Variants in KRT84 observed in about 807,000 individuals in gnomAD.
KRT84 encodes keratin, type II cuticular Hb4.
Under a neutral mutation model 49.0 loss-of-function variants are expected in KRT84, and 38 were observed. That is an observed-to-expected ratio of 0.78 (90% CI 0.60 to 1.02). KRT84 has a LOEUF of 1.02. Among genes scored for constraint, KRT84 ranks in the 50% least tolerant of loss-of-function variants. The pLI is 0.00. For synonymous variants in KRT84, 334 were observed against 312.8 expected (o/e 1.07, Z -0.72); for missense variants, 860 against 788.6 (o/e 1.09, Z -1.08).
chr12:52,380,658 C>T, intron 6 of KRT84, 75 bp from the exon 7 acceptor site: 3 of 1,418,978 alleles, frequency 2.1e-6, no homozygotes, highest in Non-Finnish European at 2.8e-6. Flanking sequence ...AACACGGCCC[C>T]TCTTAGTGGG....
Position 52,382,505 on chromosome 12 carries a change from AC to A in KRT84, c.843del (p.Lys281AsnfsTer11). Reference sequence around the variant, plus strand: ...GTATCCACGTTGGCCTCGAGATCAGACTTGTTCATGAAAGCTGCATCCACAT... The same window carrying A: ...GTATCCACGTTGGCCTCGAGATCAGATTGTTCATGAAAGCTGCATCCACAT... ...KKDVDAAFMN[K>X]SDLEANVDTL... On this transcript the variant is annotated frameshift_variant, in exon 4 of 9. Transcript: ENST00000257951. LOFTEE classifies it high-confidence loss of function. 1 of 1,614,050 alleles carries A rather than the reference AC, an allele frequency of 6.2e-7. No individual in the cohort carries two copies. Among genetic ancestry groups the A allele is most frequent in the Middle Eastern group, 1.6e-4 (1 of 6,062 alleles).
upstream of KRT84, among the ~76,000 whole-genome samples, chr12:52,386,775 T>C (rs1939578796): frequency 6.6e-6 from 1 of 152,190 alleles, no homozygotes; most frequent in Non-Finnish European, 1.5e-5. Context: ...ATTATCATTG[T>C]TAGCAATATT....
intron 1 of KRT84, 104 bp downstream of exon 1, chr12:52,384,936 G>A (rs1051216395): frequency 2.5e-6 from 3 of 1,224,332 alleles, no homozygotes; most frequent in African/African-American, 3.0e-5. Flanking sequence ...CTGAGGTCAA[G>A]GTCAAGTCCC....
chr12:52,386,935 A>G (rs1939580834), upstream of KRT84, among the ~76,000 whole-genome samples: 1 of 152,180 alleles, frequency 6.6e-6, no homozygotes, highest in Non-Finnish European at 1.5e-5. Flanking sequence ...GCTTTTGACC[A>G]GAAGCATCCA....
Position 52,383,685 on chromosome 12 carries a change from G to C in KRT84, c.660C>G (p.Asn220Lys). The C allele has an allele frequency of 6.2e-7, 1 of 1,614,200 alleles. No homozygotes were observed. The highest frequency in any genetic ancestry group is 8.5e-7 in the Non-Finnish European group (1 of 1,180,024). Reference protein sequence around the residue: ...LEPLFESYITNLRRQLEVLVS... With the variant: ...LEPLFESYITKLRRQLEVLVS... ...CCAGCACCTCCAACTGCCTCCGCAG[G>C]TTGGTGATGTAGCTCTCGAAGAGTG... Residue 220 changes from asparagine to lysine, a missense_variant, in exon 2 of 9, where the codon AAC becomes AAG. Physicochemically the swap from Asn to Lys is moderately conservative, Grantham distance 94. Transcript: ENST00000257951.
chr12:52,378,053 G>T lies in KRT84; in HGVS notation c.1784C>A (p.Ser595Tyr). The change falls in exon 9 of 9, where the codon TCC (serine) becomes TAC (tyrosine). Residue 595 changes from serine (S) to tyrosine (Y), a missense_variant. Ser to Tyr is a moderately radical substitution (Grantham distance 144). Transcript: ENST00000257951. ...GGGCTCTCAGTACTTGGTCCGGCAG[G>T]AGGTGGTGGTGGACACAAAGCGGAC... ...SSVRFVSTTT[S>Y]CRTKY 1 of 1,477,800 alleles carries T rather than the reference G, an allele frequency of 6.8e-7. No homozygotes were observed. Among genetic ancestry groups the T allele is most frequent in the South Asian group, 1.4e-5 (1 of 69,160 alleles). 91.5% of individuals were successfully genotyped at this position (1,477,800 alleles called of 1,614,324 possible).
intron 2 of KRT84, 110 bp from the exon 3 acceptor site, chr12:52,383,175 C>A (rs536732549): frequency 2.3e-6 from 2 of 864,102 alleles, no homozygotes; most frequent in Non-Finnish European, 3.9e-6. Context: ...GATCATGGTT[C>A]CCTATTGCTA....
At chr12:52,381,272 G>C in intron 5 of KRT84, 67 bp from the exon 6 acceptor site, 2 of 1,609,436 alleles carry the variant, frequency 1.2e-6, no homozygotes, top group East Asian at 4.5e-5. Context: ...CCACTGAGTT[G>C]GGGGCTTCAA....
chr12:52,378,456 T>G, intron 8 of KRT84, 76 bp from the exon 9 acceptor site: 1 of 1,227,674 alleles, frequency 8.1e-7, no homozygotes, highest in South Asian at 1.7e-5. Flanking sequence ...GGGCTGCACC[T>G]CCGGGTCTGG....
At position 52,380,593 on chromosome 12, in the gene KRT84, A is replaced by G; in HGVS notation, c.1204-10T>C. ...CCTCCAACTTGGCACGCTGCAGGGA[A>G]GGCAGTTTGCAGGTAGGCTTCGGCA... On this transcript the variant is annotated splice_polypyrimidine_tract_variant and intron_variant, in intron 6 of 8. Coordinates refer to ENST00000257951, the MANE Select transcript of KRT84 (RefSeq NM_033045.4). 6.3e-7 allele frequency: 1 copy of G among 1,599,700 alleles called. No individual in the cohort carries two copies. Among genetic ancestry groups the G allele is most frequent in the South Asian group, 1.1e-5 (1 of 89,954 alleles).
intron 3 of KRT84, 66 bp from the exon 4 acceptor site, chr12:52,382,598 T>C: frequency 7.7e-7 from 1 of 1,291,844 alleles, no homozygotes. Context: ...CACCTGTGTC[T>C]GGAGATGGGT....
chr12:52,379,465 G>T (rs974622838), intron 8 of KRT84, among the ~76,000 whole-genome samples: 1 of 152,166 alleles, frequency 6.6e-6, no homozygotes, highest in Non-Finnish European at 1.5e-5. Flanking sequence ...CCCATGCTTC[G>T]GCTGCAGCAG....
At chr12:52,386,534 T>C (rs1939576456), upstream of KRT84, among the ~76,000 whole-genome samples, 2 of 151,798 alleles carry the variant, frequency 1.3e-5, no homozygotes. Flanking sequence ...ACATTTATCT[T>C]GAGGATTTCC....
At chr12:52,378,815 C>T (rs1014023784) in intron 8 of KRT84, among the ~76,000 whole-genome samples, 1 of 152,306 alleles carries the variant, frequency 6.6e-6, no homozygotes, top group African/African-American at 2.4e-5. Context: ...GCCCAGCACA[C>T]AGGAAACCCC....
upstream of KRT84, among the ~76,000 whole-genome samples, chr12:52,386,975 G>A (rs974677515): frequency 2.0e-5 from 3 of 152,076 alleles, no homozygotes; most frequent in Non-Finnish European, 4.4e-5. Context: ...TCTTTTTCCA[G>A]CTATCAGCTG....
In KRT84 at chr12:52,381,459, C is replaced by T. The variant is rs537689654; in HGVS notation, c.979G>A (p.Asp327Asn). ...SVIVKMDNSR[D>N]LNLDGIIAEV... ...GCAATGATCCCATCAAGGTTCAGGT[C>T]ACGGCTGTTGTCCATCTTCACAATG... The change falls in exon 5 of 9, where the codon GAC becomes AAC. Residue 327 changes from aspartate to asparagine, a missense_variant. Transcript: ENST00000257951. The T allele has an allele frequency of 5.0e-5, 81 of 1,614,168 alleles. No homozygotes were observed. In the South Asian group the frequency reaches 8.8e-4, roughly 18 times the overall value.
chr12:52,378,528 T>A lies in KRT84; in HGVS notation c.1457-148A>T, dbSNP rs370057528. On this transcript the variant is annotated intron_variant, in intron 8 of 8. Transcript: ENST00000257951. ...GAAGTGGTCCCTATTGTCTATACAG[T>A]CAGTATACACTTTTTCCCTCTCTGG... 4.3e-4 allele frequency: 234 copies of A among 543,382 alleles called. 2 individuals carry two copies. In the South Asian group the frequency reaches 7.0e-3, roughly 16 times the overall value. The allele number at this position is 543,382 out of a possible 1,614,324, so 33.7% of individuals were successfully genotyped here.
chr12:52,379,165 G>A (rs931620380), intron 8 of KRT84, among the ~76,000 whole-genome samples: 9 of 152,198 alleles, frequency 5.9e-5, no homozygotes, highest in Admixed American at 1.3e-4. Context: ...TTTAGCACTC[G>A]GTTCCACTAC....
At chr12:52,382,904 G>T in intron 3 of KRT84, 101 bp downstream of exon 3, 1 of 938,342 alleles carries the variant, frequency 1.1e-6, no homozygotes, top group Non-Finnish European at 1.8e-6. Context: ...GATGTGAGTA[G>T]TCCCAGACTC....
Sources: allele counts gnomAD v4.1 joint callset (sites outside exome capture counted in the v4.1 genomes callset), GRCh38; gene constraint gnomAD v4.1.1; transcripts MANE v1.5; gene names NCBI Gene and HGNC (gene_info 2026-07-23, HGNC 2026-07-21).